Variants in ACTR2 observed in about 807,000 individuals in gnomAD.
The protein encoded by ACTR2 is actin-related protein 2.
ACTR2 carries 5 observed loss-of-function variants against 50.2 expected under a neutral mutation model. The observed-to-expected ratio is 0.10, with a 90% CI of 0.05 to 0.21. The LOEUF (loss-of-function observed/expected upper bound fraction) is 0.21, where lower values mean the gene tolerates loss of function less well. ACTR2 is among the 10% of genes least tolerant of loss of function. The pLI, the probability that ACTR2 is intolerant of heterozygous loss-of-function variation, is 1.00. For synonymous variants in ACTR2, 140 were observed against 162.9 expected (o/e 0.86, Z 1.07); for missense variants, 180 against 480.6 (o/e 0.37, Z 5.85).
chr2:65,238,794 C>G (rs1053124956), intron 1 of ACTR2, among the ~76,000 whole-genome samples: 9 of 151,738 alleles, frequency 5.9e-5, no homozygotes, highest in Non-Finnish European at 1.0e-4. Context: ...ATGGTGAAAC[C>G]CTGTCTCTAC....
intron 3 of ACTR2, among the ~76,000 whole-genome samples, chr2:65,248,816 C>T (rs268856): frequency 0.13 from 20,132 of 152,086 alleles, 1,865 homozygotes; most frequent in Non-Finnish European, 0.2. Flanking sequence ...GAATTTGAGA[C>T]CAGCCTGGCC....
intron 2 of ACTR2, chr2:65,242,515 C>CAT (rs1360896578): frequency 2.7e-6 from 1 of 373,400 alleles, no homozygotes; most frequent in Non-Finnish European, 5.2e-6. Flanking sequence ...AGTGTGGTAT[C>CAT]ATATGTGTAC....
intron 4 of ACTR2, among the ~76,000 whole-genome samples, chr2:65,253,188 C>A (rs1201131553): frequency 6.6e-6 from 1 of 152,116 alleles, no homozygotes; most frequent in Non-Finnish European, 1.5e-5. Flanking sequence ...GCCTGTAACC[C>A]CAGCAGTTTG....
At chr2:65,234,101 G>A (rs931747928) in intron 1 of ACTR2, among the ~76,000 whole-genome samples, 1 of 151,846 alleles carries the variant, frequency 6.6e-6, no homozygotes, top group Non-Finnish European at 1.5e-5. Context: ...TGTAGAAATG[G>A]GGTTTTGCTC....
chr2:65,262,231 G>C (rs569203419), intron 7 of ACTR2, among the ~76,000 whole-genome samples: 1 of 151,972 alleles, frequency 6.6e-6, no homozygotes, highest in South Asian at 2.1e-4. Context: ...AACTTCTTTT[G>C]TTGTTGTTTG....
chr2:65,251,171 T>A, intron 4 of ACTR2, 72 bp downstream of exon 4: 1 of 1,151,526 alleles, frequency 8.7e-7, no homozygotes, highest in Admixed American at 2.3e-5. Context: ...GTCAGAGAAT[T>A]TGGTTTCTCA....
At chr2:65,257,541 G>A (rs1345976354) in intron 6 of ACTR2, among the ~76,000 whole-genome samples, 1 of 152,124 alleles carries the variant, frequency 6.6e-6, no homozygotes, top group East Asian at 1.9e-4. Context: ...TTCCACAATG[G>A]TTGAACTAAT....
intron 7 of ACTR2, among the ~76,000 whole-genome samples, chr2:65,263,779 C>T (rs1426520016): frequency 1.3e-5 from 2 of 152,162 alleles, no homozygotes; most frequent in African/African-American, 4.8e-5. Flanking sequence ...GTGGCTCACG[C>T]CTGTAATCCC....
intron 6 of ACTR2, among the ~76,000 whole-genome samples, chr2:65,256,953 T>G (rs970258684): frequency 1.3e-5 from 2 of 152,168 alleles, no homozygotes; most frequent in African/African-American, 4.8e-5. Context: ...TTTAAATTTA[T>G]TTTTTATTAT....
In ACTR2 at chr2:65,264,022, T is replaced by A. The variant is rs113123653; in HGVS notation, c.882-1021T>A. ...GTGAGCCGAGATCGCACCACTGCTC[T>A]CCAGCCTGGGTGACAGAGTGAGACT... On this transcript the variant is annotated intron_variant, in intron 7 of 8. Transcript: ENST00000260641. 9.0e-3 allele frequency among the ~76,000 whole-genome samples: 1,370 copies of A among 152,264 alleles called. 32 individuals carry two copies. The highest frequency in any genetic ancestry group is 0.031 in the African/African-American group (1,270 of 41,540).
intron 2 of ACTR2, among the ~76,000 whole-genome samples, chr2:65,244,035 A>C (rs1217689189): frequency 6.6e-6 from 1 of 152,192 alleles, no homozygotes; most frequent in Non-Finnish European, 1.5e-5. Flanking sequence ...TAAATAAGTT[A>C]ATACTCCATT....
intron 2 of ACTR2, chr2:65,242,680 C>G: frequency 2.0e-6 from 1 of 508,618 alleles, no homozygotes; most frequent in Non-Finnish European, 3.9e-6. Flanking sequence ...CAGATTTCCC[C>G]CCCAAACATT....
chr2:65,230,343 A>G (rs1009149393), intron 1 of ACTR2, among the ~76,000 whole-genome samples: 1 of 148,648 alleles, frequency 6.7e-6, no homozygotes, highest in Admixed American at 6.7e-5. Flanking sequence ...TGAGCCCTGT[A>G]TTTGTAGTAT....
intron 3 of ACTR2, 94 bp from the exon 4 acceptor site, chr2:65,250,933 G>C: frequency 6.9e-6 from 5 of 726,982 alleles, no homozygotes; most frequent in Non-Finnish European, 1.1e-5. Context: ...ATTCTATTTT[G>C]GGCAATTAAT....
At chr2:65,230,339 C>G (rs1671611518) in intron 1 of ACTR2, among the ~76,000 whole-genome samples, 1 of 150,636 alleles carries the variant, frequency 6.6e-6, no homozygotes, top group African/African-American at 2.4e-5. Context: ...GTAATGAGCC[C>G]TGTATTTGTA....
At chr2:65,254,986 G>T (rs193062884) in intron 5 of ACTR2, among the ~76,000 whole-genome samples, 3 of 151,576 alleles carry the variant, frequency 2.0e-5, no homozygotes, top group African/African-American at 7.3e-5. Flanking sequence ...CTCTCAGTGG[G>T]TTTTTAAAAA....
chr2:65,253,056 A>C (rs1171869898), intron 4 of ACTR2, among the ~76,000 whole-genome samples: 1 of 152,240 alleles, frequency 6.6e-6, no homozygotes, highest in African/African-American at 2.4e-5. Flanking sequence ...TAGTATCAAT[A>C]GGCATTTTTC....
At chr2:65,254,675 A>G (rs1370132707) in intron 5 of ACTR2, among the ~76,000 whole-genome samples, 1 of 152,298 alleles carries the variant, frequency 6.6e-6, no homozygotes, top group South Asian at 2.1e-4. Flanking sequence ...TGAACATTCT[A>G]TAATGAATAG....
chr2:65,246,281 C>T (rs2103996850), intron 2 of ACTR2: 1 of 311,032 alleles, frequency 3.2e-6, no homozygotes, highest in East Asian at 6.4e-5. Context: ...TGCTAATGCT[C>T]TTCTTTTGGA....
Sources: allele counts gnomAD v4.1 joint callset (sites outside exome capture counted in the v4.1 genomes callset), GRCh38; gene constraint gnomAD v4.1.1; transcripts MANE v1.5; gene names NCBI Gene and HGNC (gene_info 2026-07-23, HGNC 2026-07-21).